Variants in BPNT2 observed in about 807,000 individuals in gnomAD.
The protein encoded by BPNT2 is 3'(2'), 5'-bisphosphate nucleotidase 2, also known as Golgi-resident adenosine 3',5'-bisphosphate 3'-phosphatase.
BPNT2 carries 11 observed loss-of-function variants against 29.3 expected under a neutral mutation model. The ratio of observed to expected loss-of-function variants is 0.38; its 90% CI spans 0.24 to 0.62. BPNT2 has a LOEUF of 0.62. BPNT2 is among the 20% of genes least tolerant of loss of function. The pLI, the probability that BPNT2 is intolerant of heterozygous loss-of-function variation, is 0.62. For synonymous variants in BPNT2, 195 were observed against 187.7 expected, an observed-to-expected ratio of 1.04 and a Z score of -0.32; for missense variants, 459 against 473.4, an observed-to-expected ratio of 0.97 and a Z score of 0.28.
intron 2 of BPNT2, among the ~76,000 whole-genome samples, chr8:56,979,082 A>C (rs1201423504): frequency 6.6e-6 from 1 of 152,176 alleles, no homozygotes; most frequent in Non-Finnish European, 1.5e-5. Context: ...AGACCCTTTT[A>C]TATTATAAAA....
chr8:56,966,441 T>C, intron 3 of BPNT2, 89 bp from the exon 4 acceptor site: 1 of 1,087,934 alleles, frequency 9.2e-7, no homozygotes, highest in Non-Finnish European at 1.4e-6. Context: ...TATGTATGAC[T>C]GACAAAATAG....
At chr8:56,983,755 T>G (rs1336548090) in intron 1 of BPNT2, among the ~76,000 whole-genome samples, 1 of 152,196 alleles carries the variant, frequency 6.6e-6, no homozygotes, top group Non-Finnish European at 1.5e-5. Flanking sequence ...TTGTTGTTGT[T>G]GGTTTTTTTT....
In BPNT2 at chr8:56,960,394, T is replaced by TC. The variant is rs1209124247; in HGVS notation, c.*3398dup. On this transcript the variant is annotated 3_prime_UTR_variant, in exon 5 of 5. Coordinates refer to ENST00000262644, the MANE Select transcript of BPNT2 (RefSeq NM_017813.5). ...CCCTCTAGCTTCTTTCTGACCCTCT[T>TC]CCTAGCCACCACCCCTCTCCCTCTG... The TC allele has an allele frequency of 1.3e-5, 2 of 152,330 alleles. No individual in the cohort carries two copies. Among genetic ancestry groups the TC allele is most frequent in the Non-Finnish European group, 2.9e-5 (2 of 68,066 alleles). 9.4% of individuals were successfully genotyped at this position (152,330 alleles called of 1,614,324 possible). A position where few individuals can be genotyped will look rare whatever the true frequency, so the allele number is the denominator to read the frequency against.
Position 56,980,104 on chromosome 8 carries a change from G to C in BPNT2, c.481C>G (p.Pro161Ala), listed in dbSNP as rs1334963797. 6.2e-7 allele frequency: 1 copy of C among 1,613,426 alleles called. No individual in the cohort carries two copies. Among genetic ancestry groups the C allele is most frequent in the Non-Finnish European group, 8.5e-7 (1 of 1,179,670 alleles). The change falls in exon 2 of 5, where the codon CCT (proline) becomes GCT (alanine). Residue 161 changes from proline (P) to alanine (A), a missense_variant. Physicochemically the swap from Pro to Ala is conservative, Grantham distance 27 (BLOSUM62 -1). Transcript: ENST00000262644. ...PEDILKEVTT[P>A]KEVPAESVTV... is the part of the protein sequence containing the mutation. Reference sequence around the variant, plus strand: ...ACACTTTCTGCTGGTACCTCTTTAGGAGTAGTTACTTCCTTTAGGATATCC... The same window carrying C: ...ACACTTTCTGCTGGTACCTCTTTAGCAGTAGTTACTTCCTTTAGGATATCC...
chr8:56,977,711 A>G (rs150361322), intron 3 of BPNT2, among the ~76,000 whole-genome samples: 5 of 152,212 alleles, frequency 3.3e-5, no homozygotes, highest in African/African-American at 1.2e-4. Context: ...GAAGAGACAC[A>G]GACACACAGA....
At chr8:56,990,709 C>T (rs186099054) in intron 1 of BPNT2, among the ~76,000 whole-genome samples, 2 of 152,058 alleles carry the variant, frequency 1.3e-5, no homozygotes, top group East Asian at 1.9e-4. Context: ...AGCATCCCAC[C>T]CCTGGTTGTG....
At chr8:56,973,982 ACTAATAATCCTTTCTCTTTCTC>A (rs777630244) in intron 3 of BPNT2, among the ~76,000 whole-genome samples, 9 of 152,142 alleles carry the variant, frequency 5.9e-5, no homozygotes, top group Non-Finnish European at 1.0e-4. Flanking sequence ...AGACAACAAA[ACTAATAATCCTTTCTCTTTCTC>A]CTCCTCCTCT....
At chr8:56,992,785 T>C (rs978739276) in intron 1 of BPNT2, among the ~76,000 whole-genome samples, 1 of 149,076 alleles carries the variant, frequency 6.7e-6, no homozygotes, top group Non-Finnish European at 1.5e-5. Context: ...AGCTGGCTAC[T>C]GGCAGGCCAC....
rs1239086980 is a variant in BPNT2 at position 56,993,647 on chromosome 8, CGCCGCCGCA to C, written c.-71_-63del. 6.6e-6 allele frequency: 8 copies of C among 1,209,632 alleles called. No individual in the cohort carries two copies. Among genetic ancestry groups the C allele is most frequent in the African/African-American group, 1.6e-5 (1 of 62,424 alleles). The allele number at this position is 1,209,632 out of a possible 1,614,324, so 74.9% of individuals were successfully genotyped here. A position where few individuals can be genotyped will look rare whatever the true frequency, so the allele number is the denominator to read the frequency against. On this transcript the variant is annotated 5_prime_UTR_variant, in exon 1 of 5. Transcript: ENST00000262644. ...ACAGGCCTCCAGCGCCCGCCGCCGC[CGCCGCCGCA>C]GCCGCCGCGCTCCGGGCCAGGCGCC...
rs904638427 is a variant in BPNT2 at position 56,963,545 on chromosome 8, C to G, written c.*248G>C. On this transcript the variant is annotated 3_prime_UTR_variant, in exon 5 of 5. Transcript: ENST00000262644. ...ATTTTAATTCACAAATATATATATG[C>G]GCCTTGTGTATGACAACTGTATGAA... The G allele has an allele frequency of 2.1e-6, 1 of 482,372 alleles. No individual in the cohort carries two copies. Among genetic ancestry groups the G allele is most frequent in the Middle Eastern group, 5.5e-4 (1 of 1,832 alleles). 29.9% of individuals were successfully genotyped at this position (482,372 alleles called of 1,614,324 possible).
chr8:56,978,561 T>C (rs536322783), intron 2 of BPNT2, among the ~76,000 whole-genome samples: 1 of 152,034 alleles, frequency 6.6e-6, no homozygotes, highest in East Asian at 1.9e-4. Context: ...AGAATATAAA[T>C]CATTCTATTA....
chr8:56,964,252 A>G, intron 4 of BPNT2, 188 bp from the exon 5 acceptor site: 1 of 521,534 alleles, frequency 1.9e-6, no homozygotes, highest in Non-Finnish European at 3.4e-6. Flanking sequence ...ATAAACATTA[A>G]ACTCAGAACA....
At position 56,993,497 on chromosome 8, in the gene BPNT2, C is replaced by A; in HGVS notation, c.89G>T (p.Gly30Val). 6.7e-7 allele frequency: 1 copy of A among 1,501,358 alleles called. No individual in the cohort carries two copies. The highest frequency in any genetic ancestry group is 8.9e-7 in the Non-Finnish European group (1 of 1,125,758). 93.0% of individuals were successfully genotyped at this position (1,501,358 alleles called of 1,614,324 possible). A position where few individuals can be genotyped will look rare whatever the true frequency, so the allele number is the denominator to read the frequency against. ...GAGGCTGAAGCGGCCGGCCAAGAAG[C>A]CCGAGTAGAGGTGGTAGAGCACGCC... ...GLGVLYHLYS[G>V]FLAGRFSLFG... Residue 30 changes from glycine (G) to valine (V), a missense_variant, in exon 1 of 5, where the codon GGC (glycine) becomes GTC (valine). Physicochemically the swap from Gly to Val is moderately radical, Grantham distance 109. Transcript: ENST00000262644.
chr8:56,966,040 G>A (rs138160151), intron 4 of BPNT2, 151 bp downstream of exon 4: 21 of 793,042 alleles, frequency 2.6e-5, no homozygotes, highest in Middle Eastern at 3.5e-4. Flanking sequence ...TCCCACCCTC[G>A]AGGTTACCAA....
Position 56,963,677 on chromosome 8 carries a change from T to G in BPNT2, c.*116A>C, listed in dbSNP as rs1805883312. 3 of 1,209,886 alleles carry G rather than the reference T, an allele frequency of 2.5e-6. No homozygotes were observed. In the African/African-American group the frequency reaches 4.5e-5, roughly 18 times the overall value. 74.9% of individuals were successfully genotyped at this position (1,209,886 alleles called of 1,614,324 possible). A position where few individuals can be genotyped will look rare whatever the true frequency, so the allele number is the denominator to read the frequency against. On this transcript the variant is annotated 3_prime_UTR_variant, in exon 5 of 5. Transcript: ENST00000262644. The stretch of plus-strand genomic sequence containing the variant: ...AAGTCTCTGATGCTTCATAAATACT[T>G]TAAAAAGTTCGGGATGGCCTTAACC...
rs998548366 is a variant in BPNT2 at position 56,959,213 on chromosome 8, G to A, written c.*4580C>T. ...CTTAACTTCTGAAAGTTTGGTTTAT[G>A]TTATCTTATCTAGAAAGAAAACTAC... is the stretch of plus-strand genomic sequence containing the variant. On this transcript the variant is annotated 3_prime_UTR_variant, in exon 5 of 5. Transcript: ENST00000262644. 2 of 152,088 alleles carry A rather than the reference G, an allele frequency of 1.3e-5. No individual in the cohort carries two copies. The highest frequency in any genetic ancestry group is 4.8e-5 in the African/African-American group (2 of 41,400). 9.4% of individuals were successfully genotyped at this position (152,088 alleles called of 1,614,324 possible). A position where few individuals can be genotyped will look rare whatever the true frequency, so the allele number is the denominator to read the frequency against.
chr8:56,963,551 G>C lies in BPNT2; in HGVS notation c.*242C>G, dbSNP rs1345954746. ...ATTCACAAATATATATATGCGCCTT[G>C]TGTATGACAACTGTATGAAAATAGT... On this transcript the variant is annotated 3_prime_UTR_variant, in exon 5 of 5. Transcript: ENST00000262644. 2.0e-6 allele frequency: 1 copy of C among 512,786 alleles called. No individual in the cohort carries two copies. Among genetic ancestry groups the C allele is most frequent in the Non-Finnish European group, 3.5e-6 (1 of 287,736 alleles). The allele number at this position is 512,786 out of a possible 1,614,324, so 31.8% of individuals were successfully genotyped here.
rs1805885534 is a variant in BPNT2 at position 56,963,735 on chromosome 8, C to CA, written c.*57dup. 6.3e-7 allele frequency: 1 copy of CA among 1,592,724 alleles called. No individual in the cohort carries two copies. The highest frequency in any genetic ancestry group is 1.3e-5 in the African/African-American group (1 of 74,590). ...GTCTCCACCAATCCTTTGAAGCTTC[C>CA]AGCATCTCAGGCTAACCATTTCAGC... On this transcript the variant is annotated 3_prime_UTR_variant, in exon 5 of 5. Transcript: ENST00000262644.
At position 56,973,917 on chromosome 8, in the gene BPNT2, T is replaced by G. The variant is rs147149968; in HGVS notation, c.646+4133A>C. On this transcript the variant is annotated intron_variant, in intron 3 of 4. Coordinates refer to ENST00000262644, the MANE Select transcript of BPNT2 (RefSeq NM_017813.5). ...AAAGTCAAACAGACATTACAACATATTTTCACAAAATTACATCAAGTATAT... is the reference window on the plus strand; with the variant it reads ...AAAGTCAAACAGACATTACAACATAGTTTCACAAAATTACATCAAGTATAT... 3.7e-3 allele frequency among the ~76,000 whole-genome samples: 565 copies of G among 152,248 alleles called. 7 individuals carry two copies. Among genetic ancestry groups the G allele is most frequent in the African/African-American group, 0.013 (525 of 41,550 alleles).
Sources: allele counts gnomAD v4.1 joint callset (sites outside exome capture counted in the v4.1 genomes callset), GRCh38; gene constraint gnomAD v4.1.1; transcripts MANE v1.5; gene names NCBI Gene and HGNC (gene_info 2026-07-23, HGNC 2026-07-21).